Variants in CCT3 observed in about 807,000 individuals in gnomAD.
CCT3 encodes chaperonin containing TCP1 subunit 3.
A neutral mutation model predicts 65.3 loss-of-function variants in CCT3; 10 were observed. The observed-to-expected ratio is 0.15, with a 90% confidence interval of 0.09 to 0.26. The LOEUF is 0.26. Ranked by LOEUF, CCT3 falls within the 10% of genes least tolerant of loss-of-function variation. The probability of loss-of-function intolerance (pLI) is 1.00; values close to 1 mark genes in which losing one functional copy is unlikely to be tolerated. For synonymous variants in CCT3, 225 were observed against 242.3 expected, an observed-to-expected ratio of 0.93 and a Z score of 0.66; for missense variants, 626 against 708.7, an observed-to-expected ratio of 0.88 and a Z score of 1.33.
chr1:156,309,846 G>A (rs1401777685), intron 13 of CCT3, among the ~76,000 whole-genome samples: 9 of 151,306 alleles, frequency 5.9e-5, no homozygotes, highest in African/African-American at 9.7e-5. Context: ...AGACCAGCCC[G>A]GCCAACATGG....
intron 13 of CCT3, 51 bp downstream of exon 13, chr1:156,310,491 AAAATAAATAAATAGAT>A (rs1664037057): frequency 3.2e-6 from 4 of 1,265,618 alleles, no homozygotes; most frequent in South Asian, 1.8e-5. Flanking sequence ...CTGCGTCTCA[AAAATAAATAAATAGAT>A]AAATAAATAA....
chr1:156,318,030 A>G (rs996202044), intron 8 of CCT3, among the ~76,000 whole-genome samples: 5 of 152,012 alleles, frequency 3.3e-5, no homozygotes, highest in African/African-American at 1.2e-4. Flanking sequence ...TTATATCATT[A>G]TAAAACAACC....
In CCT3 at chr1:156,309,153, G is replaced by T; in HGVS notation, c.*46C>A. The T allele has an allele frequency of 7.9e-7, 1 of 1,270,088 alleles. No individual in the cohort carries two copies. The highest frequency in any genetic ancestry group is 1.2e-6 in the Non-Finnish European group (1 of 867,124). 78.7% of individuals were successfully genotyped at this position (1,270,088 alleles called of 1,614,324 possible). ...TCCTGGCACTCTGGCTCAGGAAAAG[G>T]GGAGACTCTGCTGGTTCTGTGCATT... On this transcript the variant is annotated 3_prime_UTR_variant, in exon 14 of 14. Transcript: ENST00000295688.
In CCT3 at chr1:156,318,725, C is replaced by T; in HGVS notation, c.759+143G>A. On this transcript the variant is annotated intron_variant, in intron 8 of 13. Transcript: ENST00000295688. ...CTCATCTGTAAAATGAAATCAATAC[C>T]AACTATTCTAAAGGATTGTTCTAAG... The T allele has an allele frequency of 1.0e-5, 7 of 684,676 alleles. No individual in the cohort carries two copies. In the Admixed American group the frequency reaches 1.1e-4, roughly 11 times the overall value. The allele number at this position is 684,676 out of a possible 1,614,324, so 42.4% of individuals were successfully genotyped here. A position where few individuals can be genotyped will look rare whatever the true frequency, so the allele number is the denominator to read the frequency against.
rs1399543058 is a variant in CCT3 at position 156,333,535 on chromosome 1, T to C, written c.304+12A>G. ...CTAATTTTTCCTTATCAACCTCTTA[T>C]TCTCCTCTTACCAAGAATAATTACT... On this transcript the variant is annotated intron_variant, in intron 5 of 13. Coordinates refer to ENST00000295688, the MANE Select transcript of CCT3 (RefSeq NM_005998.5). 3 of 1,602,506 alleles carry C rather than the reference T, an allele frequency of 1.9e-6. No individual in the cohort carries two copies. In the South Asian group the frequency reaches 3.3e-5, roughly 18 times the overall value.
intron 10 of CCT3, 60 bp downstream of exon 10, chr1:156,317,106 C>G (rs1370875931): frequency 2.2e-6 from 3 of 1,377,960 alleles, no homozygotes; most frequent in Non-Finnish European, 3.1e-6. Context: ...ATGACTGTTA[C>G]GCAACTACAA....
Position 156,309,153 on chromosome 1 carries a change from G to C in CCT3, c.*46C>G, listed in dbSNP as rs1428972796. ...TCCTGGCACTCTGGCTCAGGAAAAG[G>C]GGAGACTCTGCTGGTTCTGTGCATT... On this transcript the variant is annotated 3_prime_UTR_variant, in exon 14 of 14. Transcript: ENST00000295688. 1 of 1,269,972 alleles carries C rather than the reference G, an allele frequency of 7.9e-7. No homozygotes were observed. The highest frequency in any genetic ancestry group is 1.2e-6 in the Non-Finnish European group (1 of 867,132). 78.7% of individuals were successfully genotyped at this position (1,269,972 alleles called of 1,614,324 possible).
intron 12 of CCT3, 100 bp downstream of exon 12, chr1:156,310,848 TAG>T: frequency 6.7e-7 from 1 of 1,488,194 alleles, no homozygotes; most frequent in Non-Finnish European, 9.1e-7. Flanking sequence ...TTTCAAGGAA[TAG>T]ACTATAAAGA....
At chr1:156,337,864 G>A (rs897028972) in intron 1 of CCT3, 2 of 496,204 alleles carry the variant, frequency 4.0e-6, no homozygotes, top group Non-Finnish European at 7.2e-6. Flanking sequence ...GCGCAGGGGC[G>A]GGGGAAGCGT....
chr1:156,325,014 C>G lies in CCT3; in HGVS notation c.380G>C (p.Arg127Pro). 1.2e-6 allele frequency: 2 copies of G among 1,613,396 alleles called. No homozygotes were observed. Among genetic ancestry groups the G allele is most frequent in the Non-Finnish European group, 8.5e-7 (1 of 1,179,594 alleles). ...GCTGATCATATCATCCAATGCCTTGCGGTAAGCACTGATCACCACTGTTGG... is the reference window on the plus strand; with the variant it reads ...GCTGATCATATCATCCAATGCCTTGGGGTAAGCACTGATCACCACTGTTGG... Reference protein sequence around the residue: ...MHPTVVISAYRKALDDMISTL... With the variant: ...MHPTVVISAYPKALDDMISTL... Residue 127 changes from arginine (R) to proline (P), a missense_variant, in exon 6 of 14, where the codon CGC becomes CCC. Physicochemically the swap from Arg to Pro is moderately radical, Grantham distance 103 (BLOSUM62 -2). Transcript: ENST00000295688.
chr1:156,331,495 C>T lies in CCT3; in HGVS notation c.304+2052G>A, dbSNP rs575371865. On this transcript the variant is annotated intron_variant, in intron 5 of 13. Transcript: ENST00000295688. The stretch of plus-strand genomic sequence containing the variant: ...CTCAGGAGTTCGAGATCAGTCTGGC[C>T]AACATGGTGAAACCCTGTCTCTACT... Among the ~76,000 whole-genome samples the T allele has an allele frequency of 3.3e-5, 5 of 151,900 alleles. No individual in the cohort carries two copies. In the South Asian group the frequency reaches 1.0e-3, roughly 32 times the overall value.
intron 6 of CCT3, among the ~76,000 whole-genome samples, chr1:156,322,857 CT>C (rs1452468055): frequency 6.6e-6 from 1 of 151,976 alleles, no homozygotes; most frequent in Non-Finnish European, 1.5e-5. Context: ...GAAACTCCGT[CT>C]CAAAAAAAAG....
chr1:156,326,665 AAG>A, intron 5 of CCT3, among the ~76,000 whole-genome samples: 1 of 116,732 alleles, frequency 8.6e-6, no homozygotes, highest in African/African-American at 2.7e-5. Context: ...AAAAAAAAAA[AAG>A]AAAAAGAAAA....
chr1:156,335,858 T>A lies in CCT3; in HGVS notation c.62A>T (p.Lys21Ile). 6.2e-7 allele frequency: 1 copy of A among 1,614,162 alleles called. No individual in the cohort carries two copies. The highest frequency in any genetic ancestry group is 8.5e-7 in the Non-Finnish European group (1 of 1,180,034). ...SQNTKRESGR[K>I]VQSGNINAAK... The stretch of plus-strand genomic sequence containing the variant: ...AGCATTGATGTTTCCAGATTGAACT[T>A]TTCTTCCGGATTCACGCTTTGTGTT... Residue 21 changes from lysine (K) to isoleucine (I), a missense_variant, in exon 2 of 14, where the codon AAA becomes ATA. Physicochemically the swap from Lys to Ile is moderately radical, Grantham distance 102. Coordinates refer to ENST00000295688, the MANE Select transcript of CCT3 (RefSeq NM_005998.5).
At chr1:156,314,031 G>A (rs1448029858) in intron 10 of CCT3, among the ~76,000 whole-genome samples, 1 of 147,624 alleles carries the variant, frequency 6.8e-6, no homozygotes, top group Non-Finnish European at 1.5e-5. Context: ...AGGGTGCAGT[G>A]AGCCAAGATC....
At chr1:156,311,657 A>G (rs1664088801) in intron 11 of CCT3, among the ~76,000 whole-genome samples, 1 of 152,190 alleles carries the variant, frequency 6.6e-6, no homozygotes, top group Non-Finnish European at 1.5e-5. Context: ...GAGGAAAAAA[A>G]AGTAATATTT....
In CCT3 at chr1:156,310,144, T is replaced by C. The variant is rs112787289; in HGVS notation, c.1533+414A>G. Among the ~76,000 whole-genome samples the C allele has an allele frequency of 1.3e-3, 190 of 151,538 alleles. 1 individual carries two copies. The highest frequency in any genetic ancestry group is 4.4e-3 in the African/African-American group (180 of 41,258). On this transcript the variant is annotated intron_variant, in intron 13 of 13. Transcript: ENST00000295688. ...TACGAGCTAAAGATAATTAAAGAGA[T>C]AGAATGCCTTGGAATACCTTAGAGG... is the stretch of plus-strand genomic sequence containing the variant.
At chr1:156,313,178 T>TA (rs1311181155) in intron 10 of CCT3, among the ~76,000 whole-genome samples, 1 of 151,568 alleles carries the variant, frequency 6.6e-6, no homozygotes, top group Non-Finnish European at 1.5e-5. Flanking sequence ...CTACTAAAAA[T>TA]ACAAGAAAAA....
chr1:156,325,851 G>A (rs1156950545), intron 5 of CCT3, among the ~76,000 whole-genome samples: 1 of 151,930 alleles, frequency 6.6e-6, no homozygotes, highest in African/African-American at 2.4e-5. Flanking sequence ...CCAAAGTGCT[G>A]GGATTACAGG....
Sources: gnomAD v4.1 joint callset for allele counts (sites outside exome capture counted in the v4.1 genomes callset) on GRCh38, gnomAD v4.1.1 for gene constraint, MANE v1.5 for transcripts, NCBI Gene and HGNC (gene_info 2026-07-23, HGNC 2026-07-21) for gene names.